Variants in RECQL observed in about 807,000 individuals in gnomAD.
RECQL encodes ATP-dependent DNA helicase Q1.
RECQL carries 73 observed loss-of-function variants against 75.8 expected under a neutral mutation model. The observed-to-expected ratio is 0.96, with a 90% CI of 0.80 to 1.17. RECQL has a LOEUF of 1.17. RECQL is among the 50% of genes most tolerant of loss of function. The pLI, the probability that RECQL is intolerant of heterozygous loss-of-function variation, is 0.00. For missense variants in RECQL, 699 were observed against 772.1 expected, an observed-to-expected ratio of 0.91 and a Z score of 1.12; for synonymous variants, 248 against 254.4, an observed-to-expected ratio of 0.97 and a Z score of 0.24.
At chr12:21,489,875 G>A (rs1429679863) in intron 4 of RECQL, among the ~76,000 whole-genome samples, 1 of 152,060 alleles carries the variant, frequency 6.6e-6, no homozygotes, top group Non-Finnish European at 1.5e-5. Context: ...CCTCCTTTAG[G>A]GAGAGAGGAG....
chr12:21,491,593 T>C lies in RECQL; in HGVS notation c.140A>G (p.Lys47Arg). ...GGCATCAGAATCCTCTAAACACTGC[T>C]TTATTTTCTTTGTCAGGACTTTTTT... Reference protein sequence around the residue: ...QKKKVLTKKIKQCLEDSDAGA... With the variant: ...QKKKVLTKKIRQCLEDSDAGA... The change falls in exon 3 of 15, where the codon AAG becomes AGG. Residue 47 changes from lysine to arginine, a missense_variant. Physicochemically the swap from Lys to Arg is conservative, Grantham distance 26 (BLOSUM62 2). Coordinates refer to ENST00000444129, the MANE Select transcript of RECQL (RefSeq NM_002907.4). 6.2e-7 allele frequency: 1 copy of C among 1,614,062 alleles called. No individual in the cohort carries two copies. The highest frequency in any genetic ancestry group is 8.5e-7 in the Non-Finnish European group (1 of 1,179,996).
At chr12:21,494,235 T>C (rs1461843791) in intron 2 of RECQL, among the ~76,000 whole-genome samples, 1 of 152,026 alleles carries the variant, frequency 6.6e-6, no homozygotes, top group African/African-American at 2.4e-5. Context: ...CACCAAACCA[T>C]TCATGAGGGA....
At chr12:21,486,631 C>T in intron 4 of RECQL, 46 bp from the exon 5 acceptor site, 1 of 1,132,822 alleles carries the variant, frequency 8.8e-7, no homozygotes, top group Non-Finnish European at 1.2e-6. Context: ...TTACACCACC[C>T]TCAGAATCAG....
chr12:21,485,363 A>G (rs1030535470), intron 5 of RECQL, among the ~76,000 whole-genome samples: 1 of 151,686 alleles, frequency 6.6e-6, no homozygotes, highest in African/African-American at 2.4e-5. Context: ...AGAAAAGAAA[A>G]GAAAGAGAGA....
At position 21,492,009 on chromosome 12, in the gene RECQL, A is replaced by G. The variant is rs571637083; in HGVS notation, c.17-293T>C. Among the ~76,000 whole-genome samples the G allele has an allele frequency of 1.8e-4, 28 of 152,316 alleles. No homozygotes were observed. In the South Asian group the frequency reaches 5.6e-3, roughly 30 times the overall value. On this transcript the variant is annotated intron_variant, in intron 2 of 14. Coordinates refer to ENST00000444129, the MANE Select transcript of RECQL (RefSeq NM_002907.4). The stretch of plus-strand genomic sequence containing the variant: ...TATTTTTATGAAGAGCTAGTGAGAT[A>G]ATATATTAGGAGTTCTAGACGCAGT...
rs2137316099 is a variant in RECQL at position 21,471,492 on chromosome 12, G to A, written c.1603C>T (p.Pro535Ser). The change falls in exon 13 of 15, where the codon CCC becomes TCC. Residue 535 changes from proline (P) to serine (S), a missense_variant. Coordinates refer to ENST00000444129, the MANE Select transcript of RECQL (RefSeq NM_002907.4). ...AKLRVAGVVA[P>S]TLPREDLEKI... ...TCCAGATCTTCACGAGGAAGTGTGG[G>A]AGCCACAACACCTGCTACTCTCAGT... 6.2e-7 allele frequency: 1 copy of A among 1,613,150 alleles called. No homozygotes were observed. Among genetic ancestry groups the A allele is most frequent in the Non-Finnish European group, 8.5e-7 (1 of 1,179,434 alleles).
At chr12:21,496,389 T>C (rs1434435060) in intron 2 of RECQL, among the ~76,000 whole-genome samples, 3 of 152,264 alleles carry the variant, frequency 2.0e-5, no homozygotes, top group East Asian at 1.9e-4. Context: ...AGGGGAATAG[T>C]ATAGCACAGT....
intron 4 of RECQL, 72 bp from the exon 5 acceptor site, chr12:21,486,657 GTTTTTTTTTTT>G (rs34776962): frequency 1.8e-5 from 3 of 166,128 alleles, no homozygotes; most frequent in African/African-American, 1.5e-4. Context: ...AACCATTCAC[GTTTTTTTTTTT>G]TTTTTTTTTT....
At chr12:21,482,955 T>C (rs142270220) in intron 6 of RECQL, among the ~76,000 whole-genome samples, 1 of 152,312 alleles carries the variant, frequency 6.6e-6, no homozygotes, top group East Asian at 1.9e-4. Context: ...CTCAGAATGA[T>C]GACTAAAGAT....
intron 4 of RECQL, among the ~76,000 whole-genome samples, chr12:21,487,185 C>T (rs1236037296): frequency 2.0e-5 from 3 of 152,030 alleles, no homozygotes; most frequent in African/African-American, 4.8e-5. Context: ...AATTTGCTAT[C>T]GTTTTAAATA....
chr12:21,470,253 G>A lies in RECQL; in HGVS notation c.1891C>T (p.Leu631Phe), dbSNP rs1434521200. 2 of 1,609,216 alleles carry A rather than the reference G, an allele frequency of 1.2e-6. No individual in the cohort carries two copies. Among genetic ancestry groups the A allele is most frequent in the Non-Finnish European group, 8.5e-7 (1 of 1,178,306 alleles). Residue 631 changes from leucine to phenylalanine, a missense_variant, in exon 15 of 15, where the codon CTT (leucine) becomes TTT (phenylalanine). Leu to Phe is a conservative substitution (Grantham distance 22, BLOSUM62 0). Around this residue, in one of 2 missense-constraint regions of RECQL, gnomAD observed 30 missense variants for 58.6 expected, o/e 0.51. Transcript: ENST00000444129. ...GNFQKKAANM[L>F]QQSGSKNTGA... ...GTATTCTTAGAACCAGATTGCTGAA[G>A]CATGTTTGCAGCCTTCTTCTGGAAG...
chr12:21,482,070 AAGAAC>A (rs1943202340), intron 6 of RECQL, among the ~76,000 whole-genome samples: 1 of 152,090 alleles, frequency 6.6e-6, no homozygotes, highest in African/African-American at 2.4e-5. Context: ...TGGTGACAGA[AAGAAC>A]AGAAAGAGGA....
intron 13 of RECQL, 56 bp from the exon 14 acceptor site, chr12:21,471,154 A>G: frequency 6.7e-7 from 1 of 1,488,632 alleles, no homozygotes; most frequent in South Asian, 1.4e-5. Context: ...ACGGAAAACA[A>G]ATTTATAAAA....
At chr12:21,486,716 G>GCTAGAGT (rs1555146321) in intron 4 of RECQL, 131 bp from the exon 5 acceptor site, 3 of 751,866 alleles carry the variant, frequency 4.0e-6, no homozygotes, top group Non-Finnish European at 5.8e-6. Flanking sequence ...TCTTGCCCAG[G>GCTAGAGT]CTAGAGTGCA....
intron 2 of RECQL, among the ~76,000 whole-genome samples, chr12:21,494,218 G>C (rs1943463664): frequency 6.6e-6 from 1 of 152,062 alleles, no homozygotes; most frequent in African/African-American, 2.4e-5. Context: ...CATTACCATA[G>C]GGAGGGCACC....
chr12:21,485,330 GA>G (rs58749568), intron 5 of RECQL, among the ~76,000 whole-genome samples: 58,775 of 128,158 alleles, frequency 0.46, 12,083 homozygotes, highest in South Asian at 0.52. Flanking sequence ...CCCCAGAACT[GA>G]AAAAAAAAAA....
chr12:21,492,097 A>C lies in RECQL; in HGVS notation c.17-381T>G, dbSNP rs574047564. ...TTATTATGTTGTAGAGAAGTGGTCT[A>C]ACAATCTCCTAAATCATTTAAGTAA... On this transcript the variant is annotated intron_variant, in intron 2 of 14. Coordinates refer to ENST00000444129, the MANE Select transcript of RECQL (RefSeq NM_002907.4). 1.2e-4 allele frequency among the ~76,000 whole-genome samples: 18 copies of C among 152,350 alleles called. No homozygotes were observed. The South Asian group carries it at 3.5e-3, about 30-fold the overall frequency.
rs3759232 is a variant in RECQL, at chr12:21,476,798, T to C, written c.949+113A>G. 0.014 allele frequency: 7,661 copies of C among 542,426 alleles called. 222 individuals carry two copies. The highest frequency in any genetic ancestry group is 0.089 in the African/African-American group (4,515 of 50,876). The allele number at this position is 542,426 out of a possible 1,614,324, so 33.6% of individuals were successfully genotyped here. On this transcript the variant is annotated intron_variant, in intron 8 of 14. Coordinates refer to ENST00000444129, the MANE Select transcript of RECQL (RefSeq NM_002907.4). ...TCACGTATTTTCAAGTATCTTCTGC[T>C]ATACATTAATTTTTTTTGGTGTTAT...
intron 14 of RECQL, 80 bp downstream of exon 14, chr12:21,470,889 G>A: frequency 9.7e-7 from 1 of 1,028,312 alleles, no homozygotes; most frequent in Non-Finnish European, 1.3e-6. Context: ...CTGGACCTAG[G>A]GGAATATGAC....
Sources: gnomAD v4.1 joint callset for allele counts (sites outside exome capture counted in the v4.1 genomes callset) on GRCh38, gnomAD v4.1.1 for gene constraint, gnomAD v4.1.1 regional missense constraint, MANE v1.5 for transcripts, NCBI Gene and HGNC (gene_info 2026-07-23, HGNC 2026-07-21) for gene names.